Variants in EPHA6 observed in about 807,000 individuals in gnomAD.
The protein encoded by EPHA6 is ephrin type-A receptor 6.
EPHA6 carries 50 observed loss-of-function variants against 112.0 expected under a neutral mutation model. That is an observed-to-expected ratio of 0.45 (90% confidence interval 0.36 to 0.56). EPHA6 has a LOEUF of 0.56. Among genes scored for constraint, EPHA6 ranks in the 20% least tolerant of loss-of-function variants. EPHA6 has a pLI of 0.00. For missense variants in EPHA6, 1,280 were observed against 1,417.4 expected (o/e 0.90, Z 1.56); for synonymous variants, 529 against 490.7 (o/e 1.08, Z -1.03).
intron 3 of EPHA6, among the ~76,000 whole-genome samples, chr3:97,045,276 A>G (rs541161023): frequency 6.6e-6 from 1 of 152,122 alleles, no homozygotes; most frequent in East Asian, 1.9e-4. Flanking sequence ...GGTATTTTGT[A>G]TCATTATATA....
At chr3:97,371,086 CTTT>C (rs10707071) in intron 5 of EPHA6, among the ~76,000 whole-genome samples, 3 of 145,920 alleles carry the variant, frequency 2.1e-5, no homozygotes, top group Admixed American at 6.8e-5. Context: ...AGAAGATCCA[CTTT>C]TTTTTTTTTT....
chr3:97,033,478 A>C (rs1017271637), intron 3 of EPHA6, among the ~76,000 whole-genome samples: 5 of 151,974 alleles, frequency 3.3e-5, no homozygotes, highest in African/African-American at 1.2e-4. Flanking sequence ...ATTCACATAG[A>C]GATATTCAAA....
chr3:97,248,006 T>C (rs779089309), intron 5 of EPHA6, among the ~76,000 whole-genome samples: 1 of 151,996 alleles, frequency 6.6e-6, no homozygotes, highest in Non-Finnish European at 1.5e-5. Flanking sequence ...TATGTATATA[T>C]TTTTTCTCAT....
At chr3:97,619,279 C>T (rs546057842) in intron 13 of EPHA6, among the ~76,000 whole-genome samples, 1 of 151,938 alleles carries the variant, frequency 6.6e-6, no homozygotes, top group African/African-American at 2.4e-5. Context: ...TAACAAGAGC[C>T]ATTTATGACA....
intron 14 of EPHA6, among the ~76,000 whole-genome samples, chr3:97,650,142 G>A (rs532382761): frequency 3.9e-5 from 6 of 152,122 alleles, no homozygotes; most frequent in South Asian, 2.1e-4. Context: ...CATAACAAAC[G>A]GGAGAGAATA....
chr3:97,124,349 G>T (rs78779048), intron 3 of EPHA6, among the ~76,000 whole-genome samples: 1 of 151,646 alleles, frequency 6.6e-6, no homozygotes, highest in Non-Finnish European at 1.5e-5. Context: ...TATCTTAAAA[G>T]ATATTTGAGT....
At chr3:97,296,818 C>T (rs902465970) in intron 5 of EPHA6, among the ~76,000 whole-genome samples, 11 of 152,088 alleles carry the variant, frequency 7.2e-5, no homozygotes, top group African/African-American at 2.4e-4. Flanking sequence ...CACCTTTTCT[C>T]TGGGGTTCAG....
At chr3:96,941,871 C>G (rs2040969753) in intron 2 of EPHA6, among the ~76,000 whole-genome samples, 2 of 152,178 alleles carry the variant, frequency 1.3e-5, no homozygotes, top group South Asian at 2.1e-4. Flanking sequence ...CACTCCAGAC[C>G]CTGTTTGCCT....
chr3:97,529,424 T>C (rs928982209), intron 10 of EPHA6, among the ~76,000 whole-genome samples: 2 of 152,050 alleles, frequency 1.3e-5, no homozygotes, highest in Non-Finnish European at 2.9e-5. Flanking sequence ...ATTACAACTA[T>C]GTATTGGAAA....
intron 3 of EPHA6, among the ~76,000 whole-genome samples, chr3:97,004,765 T>C (rs1235836910): frequency 6.6e-6 from 1 of 152,328 alleles, no homozygotes; most frequent in African/African-American, 2.4e-5. Flanking sequence ...AGGGTTTTTA[T>C]GGTTTTTGGT....
At chr3:97,495,611 T>C (rs1189974594) in intron 10 of EPHA6, among the ~76,000 whole-genome samples, 1 of 152,154 alleles carries the variant, frequency 6.6e-6, no homozygotes, top group East Asian at 1.9e-4. Context: ...TCTTTTTCCA[T>C]CTCAATTACA....
At chr3:97,587,017 C>A (rs1031749974) in intron 11 of EPHA6, among the ~76,000 whole-genome samples, 1 of 151,994 alleles carries the variant, frequency 6.6e-6, no homozygotes, top group Non-Finnish European at 1.5e-5. Flanking sequence ...CCGAGGTGGG[C>A]GGATCACCTG....
intron 14 of EPHA6, among the ~76,000 whole-genome samples, chr3:97,702,353 C>T (rs369776111): frequency 4.6e-5 from 7 of 151,996 alleles, no homozygotes; most frequent in African/African-American, 1.7e-4. Context: ...TCCCATTTGA[C>T]AAAATGAGAA....
intron 3 of EPHA6, among the ~76,000 whole-genome samples, chr3:97,071,918 G>A (rs1299695057): frequency 6.6e-6 from 1 of 151,822 alleles, no homozygotes; most frequent in East Asian, 1.9e-4. Context: ...TCATTCTTAT[G>A]CCTTTGCACC....
Position 97,222,135 on chromosome 3 carries a change from T to C in EPHA6, c.1115-4129T>C, listed in dbSNP as rs191167839. On this transcript the variant is annotated intron_variant, in intron 3 of 17. Coordinates refer to ENST00000389672, the MANE Select transcript of EPHA6 (RefSeq NM_001080448.3). The stretch of plus-strand genomic sequence containing the variant: ...GATATGTGATATTGAGGCCCATCTC[T>C]GGCTTGTGGCAGTTACATAAAGCTG... Among the ~76,000 whole-genome samples the C allele has an allele frequency of 2.8e-3, 432 of 152,164 alleles. 5 individuals carry two copies. Among genetic ancestry groups the C allele is most frequent in the Non-Finnish European group, 1.6e-3 (109 of 68,008 alleles).
At chr3:97,035,894 T>G (rs1212599539) in intron 3 of EPHA6, among the ~76,000 whole-genome samples, 1 of 151,960 alleles carries the variant, frequency 6.6e-6, no homozygotes. Flanking sequence ...GAAATCGGAT[T>G]CTCAGTGTGA....
In EPHA6 at chr3:97,592,652, C is replaced by A. The variant is rs543291692; in HGVS notation, c.2427C>A (p.Ser809Arg). Residue 809 changes from serine (S) to arginine (R), a missense_variant, in exon 12 of 18, where the codon AGC becomes AGA. By Grantham distance (110) the Ser-to-Arg change is moderately radical (BLOSUM62 -1). This residue lies in a region of EPHA6 where 878 missense variants were observed against 999.7 expected (regional missense o/e 0.88). Transcript: ENST00000389672. ...TTGGGGTGGAGGCGTTTTGCCCCAG[C>A]TTCCTGAGGGCAGGGTTTTTAAATA... ...PAIGVEAFCP[S>R]FLRAGFLNSI... 1.2e-6 allele frequency: 2 copies of A among 1,613,608 alleles called. No homozygotes were observed. Among genetic ancestry groups the A allele is most frequent in the Admixed American group, 3.3e-5 (2 of 59,920 alleles).
intron 14 of EPHA6, among the ~76,000 whole-genome samples, chr3:97,644,076 A>T (rs2094034823): frequency 6.6e-6 from 1 of 151,748 alleles, no homozygotes; most frequent in South Asian, 2.1e-4. Flanking sequence ...AACAGAGATT[A>T]TAACAAACTA....
rs542449861 is a variant in EPHA6, at chr3:96,948,347, A to G, written c.451-38983A>G. Among the ~76,000 whole-genome samples, 5 of 152,268 alleles carry G rather than the reference A, an allele frequency of 3.3e-5. No homozygotes were observed. The South Asian group carries it at 1.0e-3, about 32-fold the overall frequency. The stretch of plus-strand genomic sequence containing the variant: ...AGTTGATTGTGATTCCTCCACCCAT[A>G]TTCCTTTACAGTTCATATGTAACCT... On this transcript the variant is annotated intron_variant, in intron 2 of 17. Transcript: ENST00000389672.
Sources: gnomAD v4.1 joint callset for allele counts (sites outside exome capture counted in the v4.1 genomes callset) on GRCh38, gnomAD v4.1.1 for gene constraint, gnomAD v4.1.1 regional missense constraint, MANE v1.5 for transcripts, NCBI Gene and HGNC (gene_info 2026-07-23, HGNC 2026-07-21) for gene names.